BLTP3B: variants seen among roughly 807,000 people sequenced by gnomAD.
BLTP3B encodes UHRF1 (ICBP90) binding protein 1-like.
At chr12:100,092,999 T>C in the BLTP3B span, 10 of 980,634 alleles carry the variant, frequency 1.0e-5, no homozygotes, top group Non-Finnish European at 1.2e-5. Context: ...CTCTCTTCCT[T>C]ATCCTCAACT....
chr12:100,110,861 A>C, the BLTP3B span, among the ~76,000 whole-genome samples: 7 of 152,336 alleles, frequency 4.6e-5, no homozygotes, highest in African/African-American at 1.7e-4. Flanking sequence ...AAGGATGGAC[A>C]ACAGACTAAT....
At chr12:100,049,220 T>C in the BLTP3B span, among the ~76,000 whole-genome samples, 1 of 152,050 alleles carries the variant, frequency 6.6e-6, no homozygotes, top group African/African-American at 2.4e-5. Flanking sequence ...GATAAAAATA[T>C]GATCAGTTTT....
chr12:100,110,145 T>A, the BLTP3B span, among the ~76,000 whole-genome samples: 1 of 152,206 alleles, frequency 6.6e-6, no homozygotes, highest in Admixed American at 6.5e-5. Context: ...TAGTCTTTAC[T>A]TTTTTTGGAA....
the BLTP3B span, among the ~76,000 whole-genome samples, chr12:100,122,718 C>T: frequency 2.0e-5 from 3 of 152,164 alleles, no homozygotes; most frequent in Non-Finnish European, 4.4e-5. Flanking sequence ...ATAGTTTGCT[C>T]CCTGCTTTAC....
chr12:100,115,069 A>G, the BLTP3B span, among the ~76,000 whole-genome samples: 1 of 152,204 alleles, frequency 6.6e-6, no homozygotes, highest in African/African-American at 2.4e-5. Context: ...AAATTTCATG[A>G]AGCAGTATTT....
chr12:100,099,625 T>C, the BLTP3B span, among the ~76,000 whole-genome samples: 3 of 151,434 alleles, frequency 2.0e-5, no homozygotes, highest in African/African-American at 7.3e-5. Context: ...CACTTGCCTG[T>C]GGTCCCAGAT....
the BLTP3B span, among the ~76,000 whole-genome samples, chr12:100,046,885 C>T: frequency 1.1e-4 from 17 of 152,060 alleles, no homozygotes; most frequent in Non-Finnish European, 1.8e-4. Flanking sequence ...AGGTAAGTAC[C>T]ATTATAAGGA....
chr12:100,082,988 GA>G, the BLTP3B span: 16 of 1,555,018 alleles, frequency 1.0e-5, no homozygotes, highest in Non-Finnish European at 1.4e-5. Context: ...GTGTTTATGA[GA>G]AAACTTAATT....
At chr12:100,092,313 T>C in the BLTP3B span, among the ~76,000 whole-genome samples, 5 of 152,190 alleles carry the variant, frequency 3.3e-5, no homozygotes, top group African/African-American at 1.2e-4. Context: ...TCTGAAGTAG[T>C]GACATGATAA....
chr12:100,071,439 G>GTGA, the BLTP3B span, among the ~76,000 whole-genome samples: 1 of 142,388 alleles, frequency 7.0e-6, no homozygotes, highest in African/African-American at 2.6e-5. Flanking sequence ...AGAGGTTCCA[G>GTGA]TGAGCCAAGA....
the BLTP3B span, among the ~76,000 whole-genome samples, chr12:100,140,729 A>AAAAATATATATATATAT: frequency 3.3e-5 from 2 of 61,492 alleles, no homozygotes; most frequent in African/African-American, 2.0e-4. Flanking sequence ...AAAAAAAAAA[A>AAAAATATATATATATAT]ATATATATAT....
At chr12:100,096,599 G>A in the BLTP3B span, among the ~76,000 whole-genome samples, 1 of 151,802 alleles carries the variant, frequency 6.6e-6, no homozygotes, top group Admixed American at 6.6e-5. Flanking sequence ...CAGAAGGACT[G>A]CTTGAAGCCA....
chr12:100,111,156 G>T, the BLTP3B span, among the ~76,000 whole-genome samples: 6 of 151,406 alleles, frequency 4.0e-5, no homozygotes, highest in Non-Finnish European at 7.4e-5. Flanking sequence ...GTCTTATAAA[G>T]AAATGTTTAT....
the BLTP3B span, among the ~76,000 whole-genome samples, chr12:100,091,953 C>A: frequency 1.3e-5 from 2 of 151,762 alleles, no homozygotes; most frequent in African/African-American, 2.4e-5. Context: ...GGATTACAGG[C>A]ACCCACCACC....
chr12:100,117,820 C>T, the BLTP3B span, among the ~76,000 whole-genome samples: 3 of 152,126 alleles, frequency 2.0e-5, no homozygotes, highest in East Asian at 5.8e-4. Flanking sequence ...CTTTTTAAAA[C>T]TACTCCATTT....
chr12:100,095,530 A>AAGATATCT, the BLTP3B span: 2 of 919,204 alleles, frequency 2.2e-6, no homozygotes, highest in African/African-American at 3.4e-5. Context: ...AATTACATAG[A>AAGATATCT]AGATATCTAG....
At chr12:100,118,084 AAAT>A in the BLTP3B span, among the ~76,000 whole-genome samples, 1 of 152,176 alleles carries the variant, frequency 6.6e-6, no homozygotes, top group African/African-American at 2.4e-5. Context: ...CCAGAAAAAA[AAAT>A]GAGTAATTTT....
the BLTP3B span, chr12:100,097,287 C>T: frequency 9.5e-5 from 137 of 1,438,744 alleles, no homozygotes; most frequent in African/African-American, 1.4e-3. Context: ...CTATAGTTAA[C>T]TAATAGTTAA....
chr12:100,059,156 C>A, the BLTP3B span: 3 of 1,614,136 alleles, frequency 1.9e-6, no homozygotes, highest in South Asian at 3.3e-5. Flanking sequence ...CACTTTTCAT[C>A]CCTTCATAAT....
Sources: gnomAD v4.1 joint callset for allele counts (sites outside exome capture counted in the v4.1 genomes callset) on GRCh38, gnomAD v4.1.1 for gene constraint, MANE v1.5 for transcripts, NCBI Gene and HGNC (gene_info 2026-07-23, HGNC 2026-07-21) for gene names.